The following RIPOR3 variants were observed in gnomAD, a reference collection of about 807,000 sequenced individuals.
RIPOR3 encodes RIPOR family member 3.
Under a neutral mutation model 114.3 loss-of-function variants are expected in RIPOR3, and 95 were observed. The observed-to-expected ratio is 0.83, with a 90% CI of 0.70 to 0.99. The LOEUF is 0.99. Ranked by LOEUF, RIPOR3 falls within the 50% of genes least tolerant of loss-of-function variation. The probability of loss-of-function intolerance (pLI) is 0.00; values close to 1 mark genes in which losing one functional copy is unlikely to be tolerated. For missense variants in RIPOR3, 1,252 were observed against 1,266.9 expected (o/e 0.99, Z 0.18); for synonymous variants, 575 against 543.8 (o/e 1.06, Z -0.80).
chr20:50,690,395 GGA>G (rs1030150020), intron 1 of RIPOR3, among the ~76,000 whole-genome samples: 12 of 152,162 alleles, frequency 7.9e-5, no homozygotes, highest in Admixed American at 2.0e-4. Flanking sequence ...GTTCAAGCCT[GGA>G]GCCCCTGCCC....
At chr20:50,626,009 A>G (rs528488996) in intron 2 of RIPOR3, among the ~76,000 whole-genome samples, 1 of 152,326 alleles carries the variant, frequency 6.6e-6, no homozygotes, top group South Asian at 2.1e-4. Flanking sequence ...ATGGGAAGAG[A>G]AGGGGCATCA....
At chr20:50,655,298 C>G in intron 1 of RIPOR3, among the ~76,000 whole-genome samples, 1 of 152,200 alleles carries the variant, frequency 6.6e-6, no homozygotes, top group East Asian at 1.9e-4. Context: ...GACAAACCCC[C>G]AGAAGTTGTG....
chr20:50,643,316 T>A (rs1426485366), intron 1 of RIPOR3, among the ~76,000 whole-genome samples: 3 of 150,382 alleles, frequency 2.0e-5, no homozygotes, highest in East Asian at 2.0e-4. Flanking sequence ...TTTTTTTTTT[T>A]AGTAGAGTTG....
At chr20:50,633,338 G>A (rs148948060) in intron 1 of RIPOR3, among the ~76,000 whole-genome samples, 12 of 152,306 alleles carry the variant, frequency 7.9e-5, no homozygotes, top group East Asian at 3.9e-4. Flanking sequence ...TTGACATCAC[G>A]TTGGTGGTTT....
At chr20:50,634,164 T>A (rs1357192217) in intron 1 of RIPOR3, among the ~76,000 whole-genome samples, 1 of 151,982 alleles carries the variant, frequency 6.6e-6, no homozygotes, top group Non-Finnish European at 1.5e-5. Flanking sequence ...GTATTCATTG[T>A]AGAGATAGGG....
At chr20:50,595,607 CG>C in intron 15 of RIPOR3, 103 bp from the exon 16 acceptor site, 2 of 1,473,284 alleles carry the variant, frequency 1.4e-6, no homozygotes, top group Non-Finnish European at 9.2e-7. Flanking sequence ...TCTTCTGTCC[CG>C]GGGGCAGCTC....
intron 18 of RIPOR3, among the ~76,000 whole-genome samples, chr20:50,592,749 C>A (rs2083154381): frequency 6.6e-6 from 1 of 152,180 alleles, no homozygotes. Flanking sequence ...GTCAAATATG[C>A]TCCATAAATT....
rs1394450138 is a variant in RIPOR3, at chr20:50,594,567, C to T, written c.2198G>A (p.Gly733Glu). 3 of 1,613,900 alleles carry T rather than the reference C, an allele frequency of 1.9e-6. No homozygotes were observed. The highest frequency in any genetic ancestry group is 2.2e-5 in the East Asian group (1 of 44,888). ...AGGGAACCCACCTATTTCCAGCTGTCCTGGGTACTTCCCTCTGACTCTGTG... is the reference window on the plus strand; with the variant it reads ...AGGGAACCCACCTATTTCCAGCTGTTCTGGGTACTTCCCTCTGACTCTGTG... ...FQHRVRGKYP[G>E]QLEIACRRLL... The change falls in exon 17 of 22, where the codon GGA becomes GAA. Residue 733 changes from glycine to glutamate, a missense_variant. Transcript: ENST00000327979.
intron 1 of RIPOR3, among the ~76,000 whole-genome samples, chr20:50,651,440 G>C (rs1419442255): frequency 6.6e-6 from 1 of 152,136 alleles, no homozygotes; most frequent in Non-Finnish European, 1.5e-5. Flanking sequence ...TAAGCTGCTG[G>C]GTCTGGGATC....
At chr20:50,597,364 G>C (rs2083328933) in intron 14 of RIPOR3, 1 of 618,396 alleles carries the variant, frequency 1.6e-6, no homozygotes, top group Admixed American at 3.0e-5. Flanking sequence ...GGGCAGGCTG[G>C]GGTGATCTCA....
chr20:50,599,165 G>T lies in RIPOR3; in HGVS notation c.1660-1455C>A, dbSNP rs2083406340. ...CCAGCACTCTGGGAGGCCGAGGCAGGTGGATCACCTGATGTCCGGAGTTCA... is the reference window on the plus strand; with the variant it reads ...CCAGCACTCTGGGAGGCCGAGGCAGTTGGATCACCTGATGTCCGGAGTTCA... On this transcript the variant is annotated intron_variant, in intron 13 of 21. Coordinates refer to ENST00000327979, the MANE Select transcript of RIPOR3 (RefSeq NM_001290268.2). Among the ~76,000 whole-genome samples the T allele has an allele frequency of 2.0e-5, 3 of 152,154 alleles. No individual in the cohort carries two copies. In the South Asian group the frequency reaches 6.2e-4, roughly 32 times the overall value.
rs1480117750 is a variant in RIPOR3 at position 50,660,517 on chromosome 20, T to C, written c.4-29661A>G. Among the ~76,000 whole-genome samples the C allele has an allele frequency of 2.0e-5, 3 of 152,134 alleles. No individual in the cohort carries two copies. The East Asian group carries it at 5.8e-4, about 29-fold the overall frequency. The stretch of plus-strand genomic sequence containing the variant: ...AGAGTGACAGCAAGAACTCACTCAC[T>C]GGTGAGAGGGTAGCACTTCCAAGCC... On this transcript the variant is annotated intron_variant, in intron 1 of 21. Transcript: ENST00000327979.
Position 50,595,518 on chromosome 20 carries a change from C to T in RIPOR3, c.1915-14G>A. On this transcript the variant is annotated splice_polypyrimidine_tract_variant and intron_variant, in intron 15 of 21. Coordinates refer to ENST00000327979, the MANE Select transcript of RIPOR3 (RefSeq NM_001290268.2). ...GGAGGCCAGTTTCTGGGAAGCAGCC[C>T]AGATGCTCCAGATTAGCATGGAACA... 1.2e-6 allele frequency: 2 copies of T among 1,613,266 alleles called. No individual in the cohort carries two copies. Among genetic ancestry groups the T allele is most frequent in the Non-Finnish European group, 1.7e-6 (2 of 1,179,718 alleles).
chr20:50,640,169 G>A (rs6020657), intron 1 of RIPOR3, among the ~76,000 whole-genome samples: 14 of 152,246 alleles, frequency 9.2e-5, no homozygotes, highest in South Asian at 4.1e-4. Flanking sequence ...TGACACCTAC[G>A]GAGCGGCCCT....
chr20:50,678,374 C>T (rs2086744625), intron 1 of RIPOR3, among the ~76,000 whole-genome samples: 1 of 152,220 alleles, frequency 6.6e-6, no homozygotes, highest in African/African-American at 2.4e-5. Context: ...ATCTGTCCCA[C>T]CTGGCTCAGG....
At chr20:50,651,561 G>T (rs1281240979) in intron 1 of RIPOR3, among the ~76,000 whole-genome samples, 2 of 152,166 alleles carry the variant, frequency 1.3e-5, no homozygotes, top group African/African-American at 4.8e-5. Flanking sequence ...TAGAGACAAG[G>T]GCTCTGGAGT....
At chr20:50,653,720 A>G (rs1176042704) in intron 1 of RIPOR3, among the ~76,000 whole-genome samples, 2 of 151,968 alleles carry the variant, frequency 1.3e-5, no homozygotes, top group Non-Finnish European at 2.9e-5. Context: ...CCTCCCAAGT[A>G]GGTGGGACTA....
intron 3 of RIPOR3, among the ~76,000 whole-genome samples, chr20:50,616,413 G>A (rs138113231): frequency 0.031 from 4,671 of 152,282 alleles, 222 homozygotes; most frequent in African/African-American, 0.11. Context: ...TGTGATCACA[G>A]CTCACTGCAA....
rs77423028 is a variant in RIPOR3, at chr20:50,616,188, C to T, written c.270-108G>A. ...CGTGGAGAGCAGACACGGGGCTCAGCGGGGCTCAGAGGCAGGTAGGAAGCC... is the reference window on the plus strand; with the variant it reads ...CGTGGAGAGCAGACACGGGGCTCAGTGGGGCTCAGAGGCAGGTAGGAAGCC... On this transcript the variant is annotated intron_variant, in intron 3 of 21. Transcript: ENST00000327979. 2.1e-5 allele frequency: 24 copies of T among 1,130,782 alleles called. No homozygotes were observed. In the Middle Eastern group the frequency reaches 5.9e-4, roughly 28 times the overall value. The allele number at this position is 1,130,782 out of a possible 1,614,324, so 70.0% of individuals were successfully genotyped here.
Sources: allele counts gnomAD v4.1 joint callset (sites outside exome capture counted in the v4.1 genomes callset), GRCh38; gene constraint gnomAD v4.1.1; transcripts MANE v1.5; gene names NCBI Gene and HGNC (gene_info 2026-07-23, HGNC 2026-07-21).